The following NDST4 variants were observed in gnomAD, a reference collection of about 807,000 sequenced individuals.
NDST4 encodes the protein N-heparan sulfate sulfotransferase 4.
NDST4 carries 63 observed loss-of-function variants against 100.8 expected under a neutral mutation model. The observed-to-expected ratio is 0.62, with a 90% CI of 0.51 to 0.77. NDST4 has a LOEUF of 0.77. NDST4 is among the 30% of genes least tolerant of loss of function. NDST4 has a pLI of 0.00. For synonymous variants in NDST4, 377 were observed against 361.8 expected, an observed-to-expected ratio of 1.04 and a Z score of -0.48; for missense variants, 943 against 1,018.4, an observed-to-expected ratio of 0.93 and a Z score of 1.01.
intron 2 of NDST4, among the ~76,000 whole-genome samples, chr4:115,042,970 T>G (rs1290795499): frequency 6.6e-6 from 1 of 152,164 alleles, no homozygotes; most frequent in African/African-American, 2.4e-5. Flanking sequence ...TGTCTCTGTG[T>G]TTTTTTCAAA....
At chr4:114,932,725 C>T (rs919647953) in intron 6 of NDST4, among the ~76,000 whole-genome samples, 1 of 151,760 alleles carries the variant, frequency 6.6e-6, no homozygotes, top group African/African-American at 2.4e-5. Context: ...TAAAAAAGAT[C>T]CCATTTACAA....
chr4:114,860,367 G>A (rs924369619), intron 7 of NDST4, among the ~76,000 whole-genome samples: 1 of 152,156 alleles, frequency 6.6e-6, no homozygotes, highest in Non-Finnish European at 1.5e-5. Context: ...CGATAATGGA[G>A]CATCCCCTAT....
Position 115,102,151 on chromosome 4 carries a change from A to C in NDST4, c.-247+11293T>G, listed in dbSNP as rs112302903. 4.6e-3 allele frequency among the ~76,000 whole-genome samples: 701 copies of C among 152,264 alleles called. 7 individuals carry two copies. The highest frequency in any genetic ancestry group is 0.015 in the African/African-American group (634 of 41,574). On this transcript the variant is annotated intron_variant, in intron 1 of 13. Transcript: ENST00000264363. ...ATAATTGCTTTGTTTTAGCTCAATA[A>C]TCATTATTTAAAACCATTATTATAT...
intron 4 of NDST4, among the ~76,000 whole-genome samples, chr4:114,967,790 A>T (rs573839915): frequency 4.1e-5 from 6 of 147,496 alleles, no homozygotes; most frequent in African/African-American, 1.3e-4. Context: ...ATTTTTTTTA[A>T]AAAAAATTAG....
intron 6 of NDST4, among the ~76,000 whole-genome samples, chr4:114,884,650 T>C (rs1466477563): frequency 6.6e-6 from 1 of 152,190 alleles, no homozygotes; most frequent in African/African-American, 2.4e-5. Flanking sequence ...TATTTTCTTA[T>C]AATGTTGGCT....
chr4:115,037,194 GAA>G, intron 2 of NDST4, among the ~76,000 whole-genome samples: 1 of 152,026 alleles, frequency 6.6e-6, no homozygotes, highest in East Asian at 1.9e-4. Context: ...AAAAGATGGA[GAA>G]GAGAGAGTAA....
intron 6 of NDST4, among the ~76,000 whole-genome samples, chr4:114,872,032 G>A (rs1241835708): frequency 6.6e-6 from 1 of 151,858 alleles, no homozygotes. Context: ...ATGGAAACTC[G>A]CTGACACTTT....
At chr4:115,014,163 G>T (rs181394984) in intron 2 of NDST4, among the ~76,000 whole-genome samples, 114 of 152,166 alleles carry the variant, frequency 7.5e-4, no homozygotes, top group Admixed American at 2.4e-3. Flanking sequence ...ACCTAAAGCA[G>T]TTTGTGTTTG....
chr4:114,913,235 T>A (rs1241491110), intron 6 of NDST4, among the ~76,000 whole-genome samples: 3 of 152,098 alleles, frequency 2.0e-5, no homozygotes, highest in Non-Finnish European at 4.4e-5. Flanking sequence ...TTCCTCTTTA[T>A]GCTTCTGGGA....
intron 11 of NDST4, among the ~76,000 whole-genome samples, chr4:114,838,917 G>T (rs932645175): frequency 4.0e-5 from 6 of 150,162 alleles, no homozygotes; most frequent in Admixed American, 6.7e-5. Flanking sequence ...CTCCCCATTT[G>T]GCAGCCTAGT....
At chr4:114,891,224 T>C (rs1578369168) in intron 6 of NDST4, among the ~76,000 whole-genome samples, 2 of 152,192 alleles carry the variant, frequency 1.3e-5, no homozygotes, top group Non-Finnish European at 2.9e-5. Flanking sequence ...GTCCTCTGAG[T>C]TCTACATATA....
At chr4:114,949,641 A>G (rs1054259157) in intron 4 of NDST4, among the ~76,000 whole-genome samples, 3 of 152,048 alleles carry the variant, frequency 2.0e-5, no homozygotes, top group African/African-American at 7.2e-5. Flanking sequence ...CTAAGGGCAG[A>G]AGGGCAGAGC....
At chr4:115,111,705 G>A (rs1043268847) in intron 1 of NDST4, among the ~76,000 whole-genome samples, 1 of 151,588 alleles carries the variant, frequency 6.6e-6, no homozygotes, top group Non-Finnish European at 1.5e-5. Context: ...AGTTATATTA[G>A]TAACTCATAT....
chr4:114,853,364 A>T (rs1378568610), intron 7 of NDST4, among the ~76,000 whole-genome samples: 1 of 152,142 alleles, frequency 6.6e-6, no homozygotes, highest in Non-Finnish European at 1.5e-5. Flanking sequence ...TCTAGACTTA[A>T]GGTTTTATAT....
chr4:115,001,567 A>G (rs892769410), intron 2 of NDST4, among the ~76,000 whole-genome samples: 20 of 152,054 alleles, frequency 1.3e-4, no homozygotes, highest in African/African-American at 4.8e-4. Flanking sequence ...TTGATTACCA[A>G]AGAAAAATGA....
At chr4:114,860,832 G>A (rs1211056602) in intron 7 of NDST4, among the ~76,000 whole-genome samples, 2 of 152,190 alleles carry the variant, frequency 1.3e-5, no homozygotes, top group African/African-American at 2.4e-5. Context: ...GCAAGAATGT[G>A]AATCAATGCA....
At chr4:115,058,490 C>T (rs1314930708) in intron 2 of NDST4, among the ~76,000 whole-genome samples, 1 of 152,088 alleles carries the variant, frequency 6.6e-6, no homozygotes, top group Non-Finnish European at 1.5e-5. Flanking sequence ...ATTTTATCTC[C>T]TTTCCATGTG....
chr4:115,033,142 T>C (rs933949124), intron 2 of NDST4, among the ~76,000 whole-genome samples: 1 of 126,756 alleles, frequency 7.9e-6, no homozygotes, highest in Non-Finnish European at 1.6e-5. Context: ...TATATATATA[T>C]ATATATATAT....
intron 6 of NDST4, among the ~76,000 whole-genome samples, chr4:114,898,599 T>C (rs1227389957): frequency 1.3e-5 from 2 of 152,148 alleles, no homozygotes; most frequent in Non-Finnish European, 2.9e-5. Flanking sequence ...GGGATTTTAA[T>C]TGGGATTGTG....
Sources: allele counts gnomAD v4.1 joint callset (sites outside exome capture counted in the v4.1 genomes callset), GRCh38; gene constraint gnomAD v4.1.1; transcripts MANE v1.5; gene names NCBI Gene and HGNC (gene_info 2026-07-23, HGNC 2026-07-21).